The following CAMKMT variants were observed in gnomAD, a reference collection of about 807,000 sequenced individuals.
The protein encoded by CAMKMT is CaM KMT.
Under a neutral mutation model 48.0 loss-of-function variants are expected in CAMKMT, and 53 were observed. The ratio of observed to expected loss-of-function variants is 1.10; its 90% confidence interval spans 0.89 to 1.39. The LOEUF (loss-of-function observed/expected upper bound fraction) is 1.39, where lower values mean the gene tolerates loss of function less well. CAMKMT is among the 40% of genes most tolerant of loss of function. The pLI is 0.00. For missense variants in CAMKMT, 428 were observed against 402.7 expected, an observed-to-expected ratio of 1.06 and a Z score of -0.54; for synonymous variants, 165 against 152.3, an observed-to-expected ratio of 1.08 and a Z score of -0.61.
intron 3 of CAMKMT, among the ~76,000 whole-genome samples, chr2:44,552,418 T>A (rs1667768133): frequency 6.6e-6 from 1 of 152,100 alleles, no homozygotes; most frequent in Non-Finnish European, 1.5e-5. Flanking sequence ...ATTTAAGAAA[T>A]CCTAGAAAAG....
chr2:44,640,966 A>G (rs1673419522), intron 3 of CAMKMT, among the ~76,000 whole-genome samples: 2 of 152,188 alleles, frequency 1.3e-5, no homozygotes, highest in Admixed American at 1.3e-4. Flanking sequence ...TAGAGTGACC[A>G]AGGCCACTTG....
intron 3 of CAMKMT, among the ~76,000 whole-genome samples, chr2:44,524,055 G>A (rs1237052418): frequency 6.6e-6 from 1 of 152,096 alleles, no homozygotes; most frequent in Non-Finnish European, 1.5e-5. Context: ...GGGATTACAG[G>A]CGTGAGCCAC....
chr2:44,472,340 T>G (rs1668464833), intron 3 of CAMKMT, among the ~76,000 whole-genome samples: 2 of 152,200 alleles, frequency 1.3e-5, no homozygotes, highest in African/African-American at 4.8e-5. Context: ...CTTTGGAATT[T>G]CATTTGAATG....
intron 3 of CAMKMT, among the ~76,000 whole-genome samples, chr2:44,622,827 T>A (rs947226109): frequency 1.3e-5 from 2 of 152,210 alleles, no homozygotes; most frequent in African/African-American, 4.8e-5. Flanking sequence ...GGTAGAATGA[T>A]TATATTCCTT....
chr2:44,379,293 A>G (rs917709693), intron 2 of CAMKMT, among the ~76,000 whole-genome samples: 5 of 152,058 alleles, frequency 3.3e-5, no homozygotes, highest in African/African-American at 1.2e-4. Context: ...TGGCTAATGT[A>G]TTTTGTTTTT....
chr2:44,705,726 T>C (rs1308032435), intron 4 of CAMKMT, among the ~76,000 whole-genome samples: 1 of 152,188 alleles, frequency 6.6e-6, no homozygotes, highest in East Asian at 1.9e-4. Flanking sequence ...TGCTAAATGC[T>C]CTTTGTGTAA....
intron 3 of CAMKMT, among the ~76,000 whole-genome samples, chr2:44,532,167 C>T (rs1666520329): frequency 6.6e-6 from 1 of 152,112 alleles, no homozygotes; most frequent in Admixed American, 6.5e-5. Context: ...ATGCTACTTA[C>T]AATGTAGAGA....
intron 3 of CAMKMT, among the ~76,000 whole-genome samples, chr2:44,411,605 G>T (rs1275495751): frequency 6.6e-6 from 1 of 152,062 alleles, no homozygotes; most frequent in African/African-American, 2.4e-5. Context: ...CTGAGTACCA[G>T]ACTTTTTTTC....
At chr2:44,702,457 A>T (rs1422779230) in intron 3 of CAMKMT, among the ~76,000 whole-genome samples, 1 of 152,150 alleles carries the variant, frequency 6.6e-6, no homozygotes, top group Non-Finnish European at 1.5e-5. Context: ...ACCATTCTAA[A>T]CATAGGCATG....
rs1241468478 is a variant in CAMKMT at position 44,620,892 on chromosome 2, C to G, written c.377-83391C>G. Reference sequence around the variant, plus strand: ...CTCCTTTGTGCTTCAGTTTTCTCATCTGTAAAATTATAGTTATTACAGTTC... The same window carrying G: ...CTCCTTTGTGCTTCAGTTTTCTCATGTGTAAAATTATAGTTATTACAGTTC... On this transcript the variant is annotated intron_variant, in intron 3 of 10. Coordinates refer to ENST00000378494, the MANE Select transcript of CAMKMT (RefSeq NM_024766.5). 3.3e-5 allele frequency among the ~76,000 whole-genome samples: 5 copies of G among 152,278 alleles called. No individual in the cohort carries two copies. The East Asian group carries it at 7.7e-4, about 23-fold the overall frequency.
intron 3 of CAMKMT, among the ~76,000 whole-genome samples, chr2:44,648,178 A>G (rs1418769583): frequency 2.0e-5 from 3 of 152,088 alleles, no homozygotes; most frequent in South Asian, 4.1e-4. Flanking sequence ...TGCCATGTAT[A>G]TAAAAAAGAA....
At chr2:44,640,770 G>T (rs1222395959) in intron 3 of CAMKMT, among the ~76,000 whole-genome samples, 1 of 152,154 alleles carries the variant, frequency 6.6e-6, no homozygotes, top group African/African-American at 2.4e-5. Context: ...TGTGTGGAGA[G>T]CATGCCCTCT....
At chr2:44,672,870 C>T (rs1483525810) in intron 3 of CAMKMT, among the ~76,000 whole-genome samples, 3 of 152,098 alleles carry the variant, frequency 2.0e-5, no homozygotes, top group Admixed American at 1.3e-4. Context: ...TAGATGAATT[C>T]TATTTTTAGC....
rs1205099867 is a variant in CAMKMT, at chr2:44,555,911, G to C, written c.377-148372G>C. 2.6e-5 allele frequency among the ~76,000 whole-genome samples: 4 copies of C among 152,052 alleles called. No individual in the cohort carries two copies. The South Asian group carries it at 8.3e-4, about 32-fold the overall frequency. ...CAACAAAGAGGTCATTATTGATTTT[G>C]GCCAGAGAGGCTTCCAGCAGGGAAG... On this transcript the variant is annotated intron_variant, in intron 3 of 10. Coordinates refer to ENST00000378494, the MANE Select transcript of CAMKMT (RefSeq NM_024766.5).
chr2:44,684,588 A>G (rs1416759618), intron 3 of CAMKMT, among the ~76,000 whole-genome samples: 2 of 152,090 alleles, frequency 1.3e-5, no homozygotes, highest in African/African-American at 4.8e-5. Flanking sequence ...AGAGACCTGC[A>G]TGTTTGTAGA....
chr2:44,589,752 A>G (rs1670136791), intron 3 of CAMKMT, among the ~76,000 whole-genome samples: 2 of 80,144 alleles, frequency 2.5e-5, no homozygotes, highest in East Asian at 4.6e-4. Context: ...AACACTGCGG[A>G]AGGCCGCAGG....
At chr2:44,585,054 G>GAA (rs780810549) in intron 3 of CAMKMT, among the ~76,000 whole-genome samples, 3 of 139,864 alleles carry the variant, frequency 2.1e-5, no homozygotes, top group African/African-American at 7.8e-5. Context: ...GACTCCGTCT[G>GAA]AAAAAAAAAA....
chr2:44,652,070 C>T (rs1674101412), intron 3 of CAMKMT, among the ~76,000 whole-genome samples: 2 of 152,164 alleles, frequency 1.3e-5, no homozygotes. Context: ...AATCCTGTCT[C>T]ATCATTCACT....
intron 3 of CAMKMT, among the ~76,000 whole-genome samples, chr2:44,629,751 C>CAAA (rs1672703336): frequency 1.3e-5 from 2 of 152,058 alleles, no homozygotes; most frequent in African/African-American, 4.8e-5. Flanking sequence ...AAAGAGGACA[C>CAAA]AAACAAATGG....
Sources: gnomAD v4.1 joint callset for allele counts (sites outside exome capture counted in the v4.1 genomes callset) on GRCh38, gnomAD v4.1.1 for gene constraint, MANE v1.5 for transcripts, NCBI Gene and HGNC (gene_info 2026-07-23, HGNC 2026-07-21) for gene names.